UNC5D: variants seen among roughly 807,000 people sequenced by gnomAD.
The protein encoded by UNC5D is unc-5 netrin receptor D.
Under a neutral mutation model 105.4 loss-of-function variants are expected in UNC5D, and 39 were observed. The observed-to-expected ratio is 0.37, with a 90% CI of 0.29 to 0.48. The LOEUF is 0.48. Among genes scored for constraint, UNC5D ranks in the 20% least tolerant of loss-of-function variants. UNC5D has a pLI of 0.98. For missense variants in UNC5D, 991 were observed against 1,202.4 expected (o/e 0.82, Z 2.60); for synonymous variants, 452 against 450.4 (o/e 1.00, Z -0.04).
At chr8:35,407,496 C>A (rs1804881076) in intron 1 of UNC5D, among the ~76,000 whole-genome samples, 1 of 151,674 alleles carries the variant, frequency 6.6e-6, no homozygotes, top group Non-Finnish European at 1.5e-5. Flanking sequence ...TACAGAAATA[C>A]AGGTTTTCAT....
rs558463318 is a variant in UNC5D at position 35,299,493 on chromosome 8, A to T, written c.103+63606A>T. ...TCTTTCCTTCCTTTCTTCCCTCTTG[A>T]TGATTTCCATGCTTTGTGGAGGTTG... On this transcript the variant is annotated intron_variant, in intron 1 of 16. Coordinates refer to ENST00000404895, the MANE Select transcript of UNC5D (RefSeq NM_080872.4). 5.9e-5 allele frequency among the ~76,000 whole-genome samples: 9 copies of T among 152,210 alleles called. No individual in the cohort carries two copies. In the South Asian group the frequency reaches 1.9e-3, roughly 32 times the overall value.
chr8:35,271,689 ATG>A (rs770133269), intron 1 of UNC5D, among the ~76,000 whole-genome samples: 2 of 8,904 alleles, frequency 2.2e-4, no homozygotes, highest in African/African-American at 4.0e-4. Context: ...ATATGTATAC[ATG>A]TATACATGTA....
chr8:35,318,335 G>A (rs1450440408), intron 1 of UNC5D, among the ~76,000 whole-genome samples: 2 of 152,004 alleles, frequency 1.3e-5, no homozygotes, highest in Admixed American at 1.3e-4. Flanking sequence ...TAATAATGAA[G>A]CTGACATATT....
intron 1 of UNC5D, among the ~76,000 whole-genome samples, chr8:35,242,107 G>C (rs1802840006): frequency 6.6e-6 from 1 of 152,098 alleles, no homozygotes; most frequent in African/African-American, 2.4e-5. Context: ...AGGTGCAAAA[G>C]AACCCTCCTT....
intron 11 of UNC5D, among the ~76,000 whole-genome samples, chr8:35,745,543 C>T (rs1337103549): frequency 6.6e-6 from 1 of 152,170 alleles, no homozygotes; most frequent in Non-Finnish European, 1.5e-5. Context: ...TACACTGATG[C>T]AATGACAATG....
chr8:35,776,851 G>A (rs1196872319), intron 16 of UNC5D, among the ~76,000 whole-genome samples: 1 of 152,176 alleles, frequency 6.6e-6, no homozygotes, highest in Non-Finnish European at 1.5e-5. Flanking sequence ...GCTCACATCT[G>A]TAATCCAAGC....
chr8:35,248,880 A>G (rs1421883667), intron 1 of UNC5D, among the ~76,000 whole-genome samples: 2 of 94,518 alleles, frequency 2.1e-5, no homozygotes, highest in Non-Finnish European at 3.7e-5. Flanking sequence ...AAAAATATAT[A>G]ATATATTATA....
intron 4 of UNC5D, among the ~76,000 whole-genome samples, chr8:35,649,547 TG>T (rs1823277427): frequency 6.6e-6 from 1 of 152,200 alleles, no homozygotes; most frequent in Non-Finnish European, 1.5e-5. Context: ...CTGAACTTAC[TG>T]GCTCCTTTTC....
intron 4 of UNC5D, among the ~76,000 whole-genome samples, chr8:35,651,051 G>A (rs894382687): frequency 1.3e-5 from 2 of 152,094 alleles, no homozygotes; most frequent in African/African-American, 4.8e-5. Context: ...ATATTCATGG[G>A]GTCTGGCCCC....
chr8:35,441,488 C>G (rs1485509937), intron 1 of UNC5D, among the ~76,000 whole-genome samples: 1 of 151,646 alleles, frequency 6.6e-6, no homozygotes, highest in East Asian at 1.9e-4. Context: ...GAATGTACCC[C>G]CTGTAGATAA....
chr8:35,748,465 T>G, intron 11 of UNC5D, 62 bp from the exon 12 acceptor site: 1 of 1,523,116 alleles, frequency 6.6e-7, no homozygotes, highest in African/African-American at 1.4e-5. Context: ...AACCAAATTC[T>G]CATTCAAATA....
chr8:35,681,133 CACAG>C (rs1273192949), intron 4 of UNC5D, among the ~76,000 whole-genome samples: 2 of 152,206 alleles, frequency 1.3e-5, no homozygotes, highest in South Asian at 4.1e-4. Flanking sequence ...GAATAGAAGC[CACAG>C]ACAGACCAGT....
chr8:35,381,032 G>GGAGA lies in UNC5D; in HGVS notation c.103+145152_103+145155dup, dbSNP rs1489287758. On this transcript the variant is annotated intron_variant, in intron 1 of 16. Transcript: ENST00000404895. ...ACAAATGAAGCAGGGAGGGAGGGAG[G>GGAGA]GAGAGAGAGAAAGAGAGAGAGAGTA... 9.2e-5 allele frequency among the ~76,000 whole-genome samples: 14 copies of GGAGA among 151,740 alleles called. No homozygotes were observed. The Middle Eastern group carries it at 0.01, about 111-fold the overall frequency.
chr8:35,288,738 A>T (rs550429767), intron 1 of UNC5D, among the ~76,000 whole-genome samples: 1 of 152,214 alleles, frequency 6.6e-6, no homozygotes, highest in Non-Finnish European at 1.5e-5. Flanking sequence ...GTGAAAGTGT[A>T]GTTTTTATAT....
intron 8 of UNC5D, among the ~76,000 whole-genome samples, chr8:35,709,641 G>C (rs1379167234): frequency 1.3e-5 from 2 of 152,180 alleles, no homozygotes; most frequent in Non-Finnish European, 2.9e-5. Flanking sequence ...AGTGAGCCGA[G>C]ATTGCACCAC....
intron 10 of UNC5D, among the ~76,000 whole-genome samples, chr8:35,728,982 C>T (rs1437298466): frequency 6.6e-6 from 1 of 152,154 alleles, no homozygotes; most frequent in Non-Finnish European, 1.5e-5. Context: ...CTGTAACTTG[C>T]CACTCCCCAT....
chr8:35,632,884 C>T (rs1210550292), intron 4 of UNC5D, among the ~76,000 whole-genome samples: 1 of 152,158 alleles, frequency 6.6e-6, no homozygotes, highest in African/African-American at 2.4e-5. Flanking sequence ...CTTTGGAGCC[C>T]CTTTCCTGGT....
rs771377871 is a variant in UNC5D, at chr8:35,683,740, C to A, written c.751+13C>A. ...GTTGTGGTCTACGGTAAGACCATTC[C>A]AAAGGCCAGGAATGGATAGGGAGGG... is the stretch of plus-strand genomic sequence containing the variant. On this transcript the variant is annotated intron_variant, in intron 5 of 16. Coordinates refer to ENST00000404895, the MANE Select transcript of UNC5D (RefSeq NM_080872.4). The A allele has an allele frequency of 6.7e-7, 1 of 1,488,536 alleles. No individual in the cohort carries two copies. The highest frequency in any genetic ancestry group is 8.9e-7 in the Non-Finnish European group (1 of 1,124,766). The allele number at this position is 1,488,536 out of a possible 1,614,324, so 92.2% of individuals were successfully genotyped here.
intron 1 of UNC5D, among the ~76,000 whole-genome samples, chr8:35,346,294 A>G (rs558712928): frequency 4.6e-5 from 7 of 152,172 alleles, no homozygotes; most frequent in African/African-American, 1.7e-4. Flanking sequence ...GTATATATTT[A>G]TGTAGAAAGT....
Sources: allele counts gnomAD v4.1 joint callset (sites outside exome capture counted in the v4.1 genomes callset), GRCh38; gene constraint gnomAD v4.1.1; transcripts MANE v1.5; gene names NCBI Gene and HGNC (gene_info 2026-07-23, HGNC 2026-07-21).